FCAR: variants seen among roughly 807,000 people sequenced by gnomAD.
FCAR encodes the protein immunoglobulin alpha Fc receptor.
In FCAR, 21 loss-of-function variants were observed where a neutral mutation model predicts 27.1. That is an observed-to-expected ratio of 0.77 (90% CI 0.55 to 1.11). FCAR has a LOEUF of 1.11. FCAR is among the 50% of genes most tolerant of loss of function. FCAR has a pLI of 0.00. For synonymous variants in FCAR, 134 were observed against 135.8 expected, an observed-to-expected ratio of 0.99 and a Z score of 0.09; for missense variants, 404 against 358.4, an observed-to-expected ratio of 1.13 and a Z score of -1.03.
chr19:54,878,074 C>A (rs2066197522), intron 2 of FCAR, among the ~76,000 whole-genome samples: 2 of 152,052 alleles, frequency 1.3e-5, no homozygotes, highest in Non-Finnish European at 2.9e-5. Flanking sequence ...CGCCACCCCG[C>A]CCGGCTAATT....
At chr19:54,884,365 C>G (rs2066586434) in intron 2 of FCAR, among the ~76,000 whole-genome samples, 1 of 152,192 alleles carries the variant, frequency 6.6e-6, no homozygotes, top group Non-Finnish European at 1.5e-5. Flanking sequence ...GGTGCGGTGG[C>G]TCACGCTTGT....
chr19:54,877,698 G>A (rs2066172446), intron 2 of FCAR, among the ~76,000 whole-genome samples: 1 of 151,978 alleles, frequency 6.6e-6, no homozygotes, highest in Non-Finnish European at 1.5e-5. Context: ...TTGTTAATTT[G>A]AACTTTTTCT....
intron 2 of FCAR, among the ~76,000 whole-genome samples, chr19:54,881,566 C>A (rs921697212): frequency 1.3e-5 from 2 of 152,050 alleles, no homozygotes; most frequent in African/African-American, 4.8e-5. Context: ...ATGGCGACTG[C>A]GGTGTGCTGG....
intron 2 of FCAR, chr19:54,880,722 A>C (rs1272739654): frequency 6.6e-6 from 1 of 151,956 alleles, no homozygotes; most frequent in Non-Finnish European, 1.5e-5. Context: ...TTTTCTTTTA[A>C]CCGTGATGTA....
At chr19:54,880,909 G>T (rs2066372802) in intron 2 of FCAR, 1 of 152,188 alleles carries the variant, frequency 6.6e-6, no homozygotes, top group Non-Finnish European at 1.5e-5. Context: ...CAGCACAACG[G>T]CCAGTAGGTC....
rs375545045 is a variant in FCAR at position 54,889,859 on chromosome 19, A to G, written c.860A>G (p.Lys287Arg). 87 of 1,599,982 alleles carry G rather than the reference A, an allele frequency of 5.4e-5. 1 individual carries two copies. The highest frequency in any genetic ancestry group is 6.5e-5 in the Non-Finnish European group (77 of 1,177,966). ...TTTGCACGAACACCAAGTGTCTGCA[A>G]GTAAACACCTGGAGGTGAAGGCAGA... is the stretch of plus-strand genomic sequence containing the variant. ...LTFARTPSVC[K>R] The change falls in exon 5 of 5, where the codon AAG (lysine) becomes AGG (arginine). Residue 287 changes from lysine (K) to arginine (R), a missense_variant. Coordinates refer to ENST00000355524, the MANE Select transcript of FCAR (RefSeq NM_002000.4).
chr19:54,889,915 C>A lies in FCAR; in HGVS notation c.*52C>A. On this transcript the variant is annotated 3_prime_UTR_variant, in exon 5 of 5. Transcript: ENST00000355524. ...GCCAGGACTGTGGAGTCCGACAAAG[C>A]TACTTGAAGGACACAAGAGAGAAAA... 1 of 1,306,954 alleles carries A rather than the reference C, an allele frequency of 7.7e-7. No homozygotes were observed. Among genetic ancestry groups the A allele is most frequent in the Non-Finnish European group, 1.1e-6 (1 of 919,982 alleles). 81.0% of individuals were successfully genotyped at this position (1,306,954 alleles called of 1,614,324 possible). A position where few individuals can be genotyped will look rare whatever the true frequency, so the allele number is the denominator to read the frequency against.
rs555090654 is a variant in FCAR, at chr19:54,874,333, A to G, written c.34+10A>G. On this transcript the variant is annotated intron_variant, in intron 1 of 4. Coordinates refer to ENST00000355524, the MANE Select transcript of FCAR (RefSeq NM_002000.4). ...ACCCTCCTGTGTCTTGGTGAGTTTCAGAGTAAAAGTGGGTTAGAGGGGAAG... is the reference window on the plus strand; with the variant it reads ...ACCCTCCTGTGTCTTGGTGAGTTTCGGAGTAAAAGTGGGTTAGAGGGGAAG... 40 of 1,614,138 alleles carry G rather than the reference A, an allele frequency of 2.5e-5. No individual in the cohort carries two copies. In the South Asian group the frequency reaches 4.0e-4, roughly 16 times the overall value.
rs2066667464 is a variant in FCAR at position 54,885,495 on chromosome 19, T to G, written c.331T>G (p.Tyr111Asp). 1 of 1,613,336 alleles carries G rather than the reference T, an allele frequency of 6.2e-7. No homozygotes were observed. Among genetic ancestry groups the G allele is most frequent in the South Asian group, 1.1e-5 (1 of 91,058 alleles). The change falls in exon 3 of 5, where the codon TAC (tyrosine) becomes GAC (aspartate). Residue 111 changes from tyrosine (Y) to aspartate (D), a missense_variant. By Grantham distance (160) the Tyr-to-Asp change is radical (BLOSUM62 -3). Transcript: ENST00000355524. ...QYRIGHYRFR[Y>D]SDTLELVVTG... Reference sequence around the variant, plus strand: ...TAGGATAGGGCACTACAGGTTCCGGTACAGTGACACCCTGGAGCTGGTAGT... The same window carrying G: ...TAGGATAGGGCACTACAGGTTCCGGGACAGTGACACCCTGGAGCTGGTAGT...
chr19:54,884,370 G>A (rs2066586911), intron 2 of FCAR, among the ~76,000 whole-genome samples: 1 of 152,164 alleles, frequency 6.6e-6, no homozygotes, highest in Admixed American at 6.5e-5. Context: ...GGTGGCTCAC[G>A]CTTGTAATCC....
rs1270966572 is a variant in FCAR at position 54,888,058 on chromosome 19, C to T, written c.413C>T (p.Pro138Leu). The T allele has an allele frequency of 1.9e-6, 3 of 1,614,040 alleles. No individual in the cohort carries two copies. The highest frequency in any genetic ancestry group is 1.1e-5 in the South Asian group (1 of 91,074). Residue 138 changes from proline to leucine, a missense_variant, in exon 4 of 5, where the codon CCA becomes CTA. Coordinates refer to ENST00000355524, the MANE Select transcript of FCAR (RefSeq NM_002000.4). ...LSADRGLVLM[P>L]GENISLTCSS... ...GCAGATCGGGGTCTGGTGTTGATGC[C>T]AGGAGAGAATATTTCCCTCACGTGC...
chr19:54,878,248 A>T (rs1216146404), intron 2 of FCAR, among the ~76,000 whole-genome samples: 1 of 152,118 alleles, frequency 6.6e-6, no homozygotes, highest in Admixed American at 6.6e-5. Context: ...TGATTGTATG[A>T]TTGACTTTAG....
Position 54,885,600 on chromosome 19 carries a change from T to A in FCAR, c.361+75T>A, listed in dbSNP as rs1199217908. On this transcript the variant is annotated intron_variant, in intron 3 of 4. Transcript: ENST00000355524. ...TTTAATAGAGTATTTTTCAAGAAGTTTTAGATTTACAAACAAAAAAAAATT... is the reference window on the plus strand; with the variant it reads ...TTTAATAGAGTATTTTTCAAGAAGTATTAGATTTACAAACAAAAAAAAATT... The A allele has an allele frequency of 6.6e-6, 8 of 1,213,844 alleles. No homozygotes were observed. In the Admixed American group the frequency reaches 2.0e-4, roughly 31 times the overall value. The allele number at this position is 1,213,844 out of a possible 1,614,324, so 75.2% of individuals were successfully genotyped here.
At position 54,889,781 on chromosome 19, in the gene FCAR, C is replaced by T; in HGVS notation, c.782C>T (p.Ala261Val). 1 of 1,613,678 alleles carries T rather than the reference C, an allele frequency of 6.2e-7. No individual in the cohort carries two copies. ...SHTALNKEAS[A>V]DVAEPSWSQQ... ...ACGGCACTGAACAAGGAAGCCTCGG[C>T]AGATGTGGCTGAACCGAGCTGGAGC... The change falls in exon 5 of 5, where the codon GCA becomes GTA. Residue 261 changes from alanine to valine, a missense_variant. Coordinates refer to ENST00000355524, the MANE Select transcript of FCAR (RefSeq NM_002000.4).
chr19:54,887,288 G>A (rs1362926258), intron 3 of FCAR, among the ~76,000 whole-genome samples: 4 of 151,862 alleles, frequency 2.6e-5, no homozygotes, highest in Admixed American at 6.6e-5. Flanking sequence ...CAGCCTGGGC[G>A]ACAGAGTGAG....
chr19:54,878,473 C>G (rs1181012147), intron 2 of FCAR, among the ~76,000 whole-genome samples: 1 of 152,126 alleles, frequency 6.6e-6, no homozygotes, highest in Non-Finnish European at 1.5e-5. Flanking sequence ...TCTCAGAACA[C>G]GCTTTATGAA....
chr19:54,874,366 A>C lies in FCAR; in HGVS notation c.34+43A>C. 3.1e-6 allele frequency: 5 copies of C among 1,589,326 alleles called. 1 individual carries two copies. In the African/African-American group the frequency reaches 5.4e-5, roughly 17 times the overall value. ...AGTGGGTTAGAGGGGAAGATAGAGA[A>C]ATCCCAAAATAATCAGGGTGTCTCT... On this transcript the variant is annotated intron_variant, in intron 1 of 4. Transcript: ENST00000355524.
chr19:54,889,714 G>A lies in FCAR; in HGVS notation c.715G>A (p.Val239Met), dbSNP rs769096695. 23 of 1,613,986 alleles carry A rather than the reference G, an allele frequency of 1.4e-5. No homozygotes were observed. The highest frequency in any genetic ancestry group is 6.7e-5 in the African/African-American group (5 of 74,904). The change falls in exon 5 of 5, where the codon GTG becomes ATG. Residue 239 changes from valine to methionine, a missense_variant. Physicochemically the swap from Val to Met is conservative, Grantham distance 21 (BLOSUM62 1). Coordinates refer to ENST00000355524, the MANE Select transcript of FCAR (RefSeq NM_002000.4). ...CATGGCCGTGGCAGGACTGGTCCTC[G>A]TGGCTCTCTTGGCCATACTGGTTGA... ...IRMAVAGLVL[V>M]ALLAILVENW...
intron 1 of FCAR, among the ~76,000 whole-genome samples, 172 bp from the exon 2 acceptor site, chr19:54,875,158 G>A (rs1280393847): frequency 2.7e-5 from 4 of 150,538 alleles, no homozygotes; most frequent in East Asian, 1.9e-4. Flanking sequence ...GCGACACAGC[G>A]AGACTCTGTC....
Sources: allele counts gnomAD v4.1 joint callset (sites outside exome capture counted in the v4.1 genomes callset), GRCh38; gene constraint gnomAD v4.1.1; transcripts MANE v1.5; gene names NCBI Gene and HGNC (gene_info 2026-07-23, HGNC 2026-07-21).